The following ZNF667 variants were observed in gnomAD, a reference collection of about 807,000 sequenced individuals.
ZNF667 encodes the protein myocardial ischemic preconditioning upregulated 1 ortholog.
ZNF667 carries 13 observed loss-of-function variants against 31.8 expected under a neutral mutation model. That is an observed-to-expected ratio of 0.41 (90% CI 0.27 to 0.65). The LOEUF (loss-of-function observed/expected upper bound fraction) is 0.65, where lower values mean the gene tolerates loss of function less well. Among genes scored for constraint, ZNF667 ranks in the 30% least tolerant of loss-of-function variants. The pLI, the probability that ZNF667 is intolerant of heterozygous loss-of-function variation, is 0.32. For synonymous variants in ZNF667, 228 were observed against 247.1 expected (o/e 0.92, Z 0.73); for missense variants, 642 against 725.6 (o/e 0.88, Z 1.32).
At chr19:56,461,133 G>A (rs754421750) in intron 4 of ZNF667, among the ~76,000 whole-genome samples, 5 of 152,182 alleles carry the variant, frequency 3.3e-5, no homozygotes, top group Non-Finnish European at 7.3e-5. Flanking sequence ...ATCAGTGATA[G>A]AGGCACTGTC....
chr19:56,440,610 T>C lies in ZNF667; in HGVS notation c.*552A>G. 1.0e-6 allele frequency: 1 copy of C among 979,272 alleles called. No individual in the cohort carries two copies. The highest frequency in any genetic ancestry group is 1.8e-5 in the African/African-American group (1 of 57,000). The allele number at this position is 979,272 out of a possible 1,614,324, so 60.7% of individuals were successfully genotyped here. On this transcript the variant is annotated 3_prime_UTR_variant, in exon 7 of 7. Coordinates refer to ENST00000504904, the MANE Select transcript of ZNF667 (RefSeq NM_001321356.2). ...TTGTATGTGACCAATAAATTATCTT[T>C]AAAACTATGCTGGAAGTAAAATATC...
At chr19:56,451,828 C>T (rs2042828174) in intron 6 of ZNF667, among the ~76,000 whole-genome samples, 1 of 132,908 alleles carries the variant, frequency 7.5e-6, no homozygotes, top group African/African-American at 2.9e-5. Flanking sequence ...GTGATCGCAC[C>T]ACTGTATTCC....
chr19:56,467,523 C>G (rs1234131979), intron 3 of ZNF667, among the ~76,000 whole-genome samples: 2 of 152,148 alleles, frequency 1.3e-5, no homozygotes, highest in African/African-American at 4.8e-5. Flanking sequence ...AATTCTGACA[C>G]TATGTTCCTG....
intron 3 of ZNF667, chr19:56,467,204 G>A (rs1418820379): frequency 5.5e-6 from 2 of 362,640 alleles, no homozygotes; most frequent in Non-Finnish European, 5.5e-6. Context: ...GGGTGGGGGG[G>A]AAATGAGGGC....
At chr19:56,458,125 A>C in intron 6 of ZNF667, 30 bp downstream of exon 6, 1 of 1,588,676 alleles carries the variant, frequency 6.3e-7, no homozygotes, top group Non-Finnish European at 8.6e-7. Flanking sequence ...CAGTAGACTG[A>C]GACATATGCC....
chr19:56,440,443 G>T lies in ZNF667; in HGVS notation c.*719C>A. ...TTTCTTTATTCTCACCCACAAGTTT[G>T]TCAGCTGAAAGTGGCACCCTGTTTT... On this transcript the variant is annotated 3_prime_UTR_variant, in exon 7 of 7. Transcript: ENST00000504904. The T allele has an allele frequency of 3.8e-6, 1 of 261,254 alleles. No homozygotes were observed. The highest frequency in any genetic ancestry group is 6.0e-6 in the Non-Finnish European group (1 of 167,784). 16.2% of individuals were successfully genotyped at this position (261,254 alleles called of 1,614,324 possible).
At chr19:56,476,093 T>C (rs181018895) in intron 1 of ZNF667, among the ~76,000 whole-genome samples, 112 of 152,314 alleles carry the variant, frequency 7.4e-4, no homozygotes, top group African/African-American at 2.4e-3. Context: ...GGTTCTGTTA[T>C]TACTACTGTT....
intron 2 of ZNF667, among the ~76,000 whole-genome samples, chr19:56,473,488 A>G (rs1157989320): frequency 6.6e-6 from 1 of 152,252 alleles, no homozygotes; most frequent in African/African-American, 2.4e-5. Flanking sequence ...TTACATGCAT[A>G]TAATGAGACA....
chr19:56,452,286 G>A (rs1363079675), intron 6 of ZNF667, among the ~76,000 whole-genome samples: 7 of 152,048 alleles, frequency 4.6e-5, no homozygotes, highest in Admixed American at 3.9e-4. Context: ...CTGACCTCAG[G>A]TGATCCGCCC....
intron 6 of ZNF667, 80 bp from the exon 7 acceptor site, chr19:56,442,821 CATT>C (rs2042644246): frequency 7.0e-7 from 1 of 1,429,000 alleles, no homozygotes; most frequent in Non-Finnish European, 9.2e-7. Context: ...ATGTAATTAT[CATT>C]ATTAATCACA....
chr19:56,441,125 T>C lies in ZNF667; in HGVS notation c.*37A>G, dbSNP rs376247115. The C allele has an allele frequency of 8.1e-5, 127 of 1,558,314 alleles. No individual in the cohort carries two copies. The Middle Eastern group carries it at 3.5e-3, about 42-fold the overall frequency. Reference sequence around the variant, plus strand: ...AAATACATATTTGCCATATGTTTGATAGCCTCATTCGTTGATTTTATAGAT... The same window carrying C: ...AAATACATATTTGCCATATGTTTGACAGCCTCATTCGTTGATTTTATAGAT... On this transcript the variant is annotated 3_prime_UTR_variant, in exon 7 of 7. Transcript: ENST00000504904. This position sits in a 1 kb window ranked among gnomAD's most constrained non-coding sequence, Gnocchi z 4.2.
chr19:56,440,914 C>T lies in ZNF667; in HGVS notation c.*248G>A, dbSNP rs560419704. 497 of 1,318,318 alleles carry T rather than the reference C, an allele frequency of 3.8e-4. No homozygotes were observed. The highest frequency in any genetic ancestry group is 4.4e-4 in the Non-Finnish European group (455 of 1,032,666). The allele number at this position is 1,318,318 out of a possible 1,614,324, so 81.7% of individuals were successfully genotyped here. On this transcript the variant is annotated 3_prime_UTR_variant, in exon 7 of 7. Transcript: ENST00000504904. Reference sequence around the variant, plus strand: ...CTGGGGTTACAGGTGTAAGCCACTGCGCCCAGCCAGTAATTCTTATCAAAT... The same window carrying T: ...CTGGGGTTACAGGTGTAAGCCACTGTGCCCAGCCAGTAATTCTTATCAAAT...
At chr19:56,472,960 T>G (rs2043325000) in intron 2 of ZNF667, 1 of 152,228 alleles carries the variant, frequency 6.6e-6, no homozygotes, top group Non-Finnish European at 1.5e-5. Flanking sequence ...TATCCAGTGC[T>G]GGAGGAGATA....
chr19:56,466,840 C>G (rs1404096676), intron 3 of ZNF667: 2 of 364,582 alleles, frequency 5.5e-6, no homozygotes, highest in Admixed American at 6.7e-5. Context: ...ACAAACAGCC[C>G]TACCTTTAGT....
intron 5 of ZNF667, 101 bp downstream of exon 5, chr19:56,460,588 A>T: frequency 7.4e-7 from 1 of 1,350,170 alleles, no homozygotes; most frequent in Non-Finnish European, 9.9e-7. Context: ...AAGCTCTTTT[A>T]AAAAAGAAAC....
intron 6 of ZNF667, among the ~76,000 whole-genome samples, chr19:56,451,912 A>G (rs1300915841): frequency 1.3e-5 from 2 of 149,788 alleles, no homozygotes; most frequent in Non-Finnish European, 3.0e-5. Context: ...TTCAAATTGA[A>G]ATCATATCAA....
chr19:56,477,561 G>A, upstream of ZNF667: 1 of 152,836 alleles, frequency 6.5e-6, no homozygotes, highest in Non-Finnish European at 1.5e-5. Flanking sequence ...GAGGTCCCGC[G>A]CCTGCGCACA....
chr19:56,469,219 C>T (rs533036165), intron 3 of ZNF667, among the ~76,000 whole-genome samples: 2 of 152,338 alleles, frequency 1.3e-5, no homozygotes, highest in East Asian at 1.9e-4. Context: ...CCCTGCCTGC[C>T]TCCCTCTTGC....
chr19:56,466,161 C>T (rs2043155139), intron 3 of ZNF667, among the ~76,000 whole-genome samples: 1 of 152,214 alleles, frequency 6.6e-6, no homozygotes. Context: ...CTGGCCCTGG[C>T]TTCCCCAGGC....
Sources: gnomAD v4.1 joint callset for allele counts (sites outside exome capture counted in the v4.1 genomes callset) on GRCh38, gnomAD v4.1.1 for gene constraint, Gnocchi (gnomAD v3.1) non-coding constraint, MANE v1.5 for transcripts, NCBI Gene and HGNC (gene_info 2026-07-23, HGNC 2026-07-21) for gene names.